The following MBNL3 variants were observed in gnomAD, a reference collection of about 807,000 sequenced individuals.
MBNL3 encodes the protein muscleblind like splicing regulator 3.
In MBNL3, 6 loss-of-function variants were observed where a neutral mutation model predicts 24.5. That is an observed-to-expected ratio of 0.25 (90% CI 0.13 to 0.48). The LOEUF (loss-of-function observed/expected upper bound fraction) is 0.48, where lower values mean the gene tolerates loss of function less well. Ranked by LOEUF, MBNL3 falls within the 20% of genes least tolerant of loss-of-function variation. The pLI, the probability that MBNL3 is intolerant of heterozygous loss-of-function variation, is 0.99. For missense variants in MBNL3, 230 were observed against 293.5 expected (o/e 0.78, Z 1.58); for synonymous variants, 100 against 101.7 (o/e 0.98, Z 0.10).
chrX:132,468,107 C>T (rs1031698977), intron 1 of MBNL3, among the ~76,000 whole-genome samples: 15 of 111,915 alleles, frequency 1.3e-4, no homozygotes, highest in Admixed American at 2.8e-4. Flanking sequence ...TCACAAGACT[C>T]GCAAACAGAA....
chrX:132,371,816 T>A lies in MBNL3; in HGVS notation c.*7850A>T, dbSNP rs1933634858. Reference sequence around the variant, plus strand: ...CACAACGGATATATTATCTACATAATTCAAAATACTGATGGTATATTTGGA... The same window carrying A: ...CACAACGGATATATTATCTACATAAATCAAAATACTGATGGTATATTTGGA... On this transcript the variant is annotated 3_prime_UTR_variant, in exon 9 of 9. Transcript: ENST00000370853. The A allele has an allele frequency of 9.0e-6, 1 of 111,558 alleles. No individual in the cohort carries two copies. The highest frequency in any genetic ancestry group is 1.9e-5 in the Non-Finnish European group (1 of 53,018). 9.2% of individuals were successfully genotyped at this position (111,558 alleles called of 1,213,427 possible).
At chrX:132,446,485 T>A (rs1294368505) in intron 1 of MBNL3, among the ~76,000 whole-genome samples, 1 of 111,971 alleles carries the variant, frequency 8.9e-6, no homozygotes, top group Non-Finnish European at 1.9e-5. Context: ...TGGTTTCGAT[T>A]TGCATTTGTC....
At chrX:132,489,731 A>G (rs1424113683), upstream of MBNL3, 5 of 108,245 alleles carry the variant, frequency 4.6e-5, no homozygotes, top group East Asian at 3.0e-4. Flanking sequence ...GGGCATCCGG[A>G]GCGCCGGACT....
intron 1 of MBNL3, among the ~76,000 whole-genome samples, chrX:132,450,060 G>C (rs911682427): frequency 2.0e-5 from 2 of 99,636 alleles, no homozygotes; most frequent in African/African-American, 7.5e-5. Flanking sequence ...TCCCTTTGCG[G>C]GTAACCCGAC....
rs1299616698 is a variant in MBNL3 at position 132,373,701 on chromosome X, C to T, written c.*5965G>A. ...CTTGACCTCTTCTAGGCCTCATTGC[C>T]TGGGGGCAAAAAGAAAGTTAACTGG... On this transcript the variant is annotated 3_prime_UTR_variant, in exon 9 of 9. Coordinates refer to ENST00000370853, the MANE Select transcript of MBNL3 (RefSeq NM_001386889.1). The T allele has an allele frequency of 8.9e-6, 1 of 111,741 alleles. No homozygotes were observed. Among genetic ancestry groups the T allele is most frequent in the Non-Finnish European group, 1.9e-5 (1 of 53,073 alleles). The allele number at this position is 111,741 out of a possible 1,213,427, so 9.2% of individuals were successfully genotyped here. A position where few individuals can be genotyped will look rare whatever the true frequency, so the allele number is the denominator to read the frequency against.
At chrX:132,447,237 G>T (rs990951274) in intron 1 of MBNL3, among the ~76,000 whole-genome samples, 2 of 111,781 alleles carry the variant, frequency 1.8e-5, no homozygotes, top group South Asian at 7.5e-4. Flanking sequence ...GGCTATGCGG[G>T]TTCTTTTTTG....
At chrX:132,408,422 A>C (rs1275109590) in intron 2 of MBNL3, among the ~76,000 whole-genome samples, 4 of 109,920 alleles carry the variant, frequency 3.6e-5, no homozygotes, top group Non-Finnish European at 7.6e-5. Flanking sequence ...ACTCCAAAAC[A>C]ACTATATAAT....
At chrX:132,482,275 C>A (rs1947778866) in intron 1 of MBNL3, among the ~76,000 whole-genome samples, 1 of 112,426 alleles carries the variant, frequency 8.9e-6, no homozygotes, top group African/African-American at 3.2e-5. Flanking sequence ...GATGGATATG[C>A]TAAATACCCT....
intron 4 of MBNL3, 97 bp downstream of exon 4, chrX:132,392,046 C>A (rs1937265120): frequency 7.4e-6 from 6 of 807,238 alleles, no homozygotes; most frequent in Non-Finnish European, 8.7e-6. Flanking sequence ...AATTTGGGTT[C>A]TCTTATTTAA....
At chrX:132,447,210 T>C (rs141375313) in intron 1 of MBNL3, among the ~76,000 whole-genome samples, 191 of 112,039 alleles carry the variant, frequency 1.7e-3, no homozygotes, top group Middle Eastern at 0.014. Flanking sequence ...CTTGTTCTTT[T>C]TGTTGAGGAT....
At position 132,386,678 on chromosome X, in the gene MBNL3, G is replaced by A. The variant is rs1249396128; in HGVS notation, c.905C>T (p.Pro302Leu). 2.5e-6 allele frequency: 3 copies of A among 1,210,305 alleles called. No individual in the cohort carries two copies. The highest frequency in any genetic ancestry group is 3.4e-6 in the Non-Finnish European group (3 of 895,382). ...QALTNLQLPQ[P>L]AFIPAGPILC... The stretch of plus-strand genomic sequence containing the variant: ...GTTCTCACCTGCAGGGATAAATGCC[G>A]GCTGTGGGAGCTGCAGGTTAGTCAG... The change falls in exon 6 of 9, where the codon CCG becomes CTG. Residue 302 changes from proline (P) to leucine (L), a missense_variant. Pro to Leu is a moderately conservative substitution (Grantham distance 98, BLOSUM62 -3). Transcript: ENST00000370853.
intron 1 of MBNL3, among the ~76,000 whole-genome samples, chrX:132,463,761 G>A (rs1204042155): frequency 8.9e-6 from 1 of 111,780 alleles, no homozygotes; most frequent in African/African-American, 3.3e-5. Context: ...CTCATTCTGT[G>A]GTATTTAAGA....
chrX:132,472,636 G>A (rs1365589159), intron 1 of MBNL3, among the ~76,000 whole-genome samples: 1 of 111,486 alleles, frequency 9.0e-6, no homozygotes, highest in Non-Finnish European at 1.9e-5. Flanking sequence ...CAAACAACTC[G>A]TCATTTCTTT....
At chrX:132,400,197 A>G (rs1940629521) in intron 3 of MBNL3, among the ~76,000 whole-genome samples, 1 of 111,392 alleles carries the variant, frequency 9.0e-6, no homozygotes, top group African/African-American at 3.3e-5. Context: ...CATTGTGCAC[A>G]TGTACCCTAA....
chrX:132,448,772 C>A (rs1372837478), intron 1 of MBNL3, among the ~76,000 whole-genome samples: 1 of 112,048 alleles, frequency 8.9e-6, no homozygotes, highest in East Asian at 2.8e-4. Context: ...CTCCTGTGGG[C>A]ATTTAGTGCT....
At chrX:132,433,665 C>T (rs770489702) in intron 2 of MBNL3, among the ~76,000 whole-genome samples, 1 of 112,243 alleles carries the variant, frequency 8.9e-6, no homozygotes, top group East Asian at 2.8e-4. Flanking sequence ...TTGCTTTCCC[C>T]CGATTATGTC....
intron 1 of MBNL3, among the ~76,000 whole-genome samples, chrX:132,443,980 A>T (rs1945531333): frequency 4.0e-5 from 1 of 25,158 alleles, no homozygotes; most frequent in Non-Finnish European, 7.1e-5. Flanking sequence ...GCCTGACTCC[A>T]GAGTCCGCCC....
chrX:132,379,630 C>T lies in MBNL3; in HGVS notation c.*36G>A. 1 of 1,185,676 alleles carries T rather than the reference C, an allele frequency of 8.4e-7. No homozygotes were observed. Among genetic ancestry groups the T allele is most frequent in the Non-Finnish European group, 1.1e-6 (1 of 877,767 alleles). On this transcript the variant is annotated 3_prime_UTR_variant, in exon 9 of 9. Coordinates refer to ENST00000370853, the MANE Select transcript of MBNL3 (RefSeq NM_001386889.1). ...ATATAGAAAGGCCATATGGAGGTTT[C>T]CATGGAAAGATTCTGATACTCCATA...
chrX:132,453,877 A>G lies in MBNL3; in HGVS notation c.-703-13563T>C, dbSNP rs768148969. Among the ~76,000 whole-genome samples the G allele has an allele frequency of 9.9e-5, 11 of 110,827 alleles. No individual in the cohort carries two copies. In the East Asian group the frequency reaches 3.1e-3, roughly 32 times the overall value. Reference sequence around the variant, plus strand: ...GAGACTGAGGCGGGCGGATCACTTGAGGCCAGGAGTTCGAGACCAGCCTGG... The same window carrying G: ...GAGACTGAGGCGGGCGGATCACTTGGGGCCAGGAGTTCGAGACCAGCCTGG... On this transcript the variant is annotated intron_variant, in intron 1 of 8. Transcript: ENST00000370853.
Sources: gnomAD v4.1 joint callset for allele counts (sites outside exome capture counted in the v4.1 genomes callset) on GRCh38, gnomAD v4.1.1 for gene constraint, MANE v1.5 for transcripts, NCBI Gene and HGNC (gene_info 2026-07-23, HGNC 2026-07-21) for gene names.